SMARCC1: variants seen among roughly 807,000 people sequenced by gnomAD.
The protein encoded by SMARCC1 is SWI/SNF related BAF chromatin remodeling complex subunit C1.
In SMARCC1, 43 loss-of-function variants were observed where a neutral mutation model predicts 147.4. The observed-to-expected ratio is 0.29, with a 90% CI of 0.23 to 0.38. The LOEUF (loss-of-function observed/expected upper bound fraction) is 0.38, where lower values mean the gene tolerates loss of function less well. Ranked by LOEUF, SMARCC1 falls within the 10% of genes least tolerant of loss-of-function variation. SMARCC1 has a pLI of 1.00. For missense variants in SMARCC1, 1,119 were observed against 1,381.1 expected (o/e 0.81, Z 3.01); for synonymous variants, 495 against 484.4 (o/e 1.02, Z -0.29).
rs192959773 is a variant in SMARCC1 at position 47,587,122 on chromosome 3, G to C, written c.*1087C>G. On this transcript the variant is annotated 3_prime_UTR_variant, in exon 28 of 28. Transcript: ENST00000254480. ...GTCCCATCCTAACCTTAAAAGTACC[G>C]GTTGACGAAATTCCACTCCCTGGCT... The C allele has an allele frequency of 6.6e-6, 1 of 152,632 alleles. No homozygotes were observed. The highest frequency in any genetic ancestry group is 6.5e-5 in the Admixed American group (1 of 15,276). 9.5% of individuals were successfully genotyped at this position (152,632 alleles called of 1,614,324 possible).
intron 2 of SMARCC1, among the ~76,000 whole-genome samples, chr3:47,755,789 G>A (rs1044755368): frequency 1.3e-5 from 2 of 151,506 alleles, no homozygotes; most frequent in African/African-American, 2.4e-5. Context: ...TCAGGAGTTC[G>A]AGACCAGCCT....
At chr3:47,599,984 C>G (rs1259312669) in intron 26 of SMARCC1, among the ~76,000 whole-genome samples, 2 of 152,154 alleles carry the variant, frequency 1.3e-5, no homozygotes, top group African/African-American at 4.8e-5. Flanking sequence ...GGCCCATTTA[C>G]CTATTACCCT....
intron 26 of SMARCC1, among the ~76,000 whole-genome samples, chr3:47,605,143 G>A (rs143395706): frequency 7.9e-5 from 12 of 152,290 alleles, no homozygotes; most frequent in East Asian, 1.9e-4. Flanking sequence ...AGTGTAAACA[G>A]GCACCACCAC....
At chr3:47,713,645 A>T (rs1048884589) in intron 8 of SMARCC1, among the ~76,000 whole-genome samples, 3 of 151,940 alleles carry the variant, frequency 2.0e-5, no homozygotes, top group Non-Finnish European at 4.4e-5. Flanking sequence ...CTCCTGCCTT[A>T]GCCTCCCAAA....
chr3:47,701,527 A>C, intron 10 of SMARCC1, 125 bp from the exon 11 acceptor site: 1 of 934,168 alleles, frequency 1.1e-6, no homozygotes, highest in East Asian at 2.6e-5. Flanking sequence ...TAAAAGACAA[A>C]CAGTAGGTCG....
In SMARCC1 at chr3:47,686,032, G is replaced by A; in HGVS notation, c.1385+17C>T. 1 of 1,611,336 alleles carries A rather than the reference G, an allele frequency of 6.2e-7. No individual in the cohort carries two copies. Among genetic ancestry groups the A allele is most frequent in the East Asian group, 2.2e-5 (1 of 44,818 alleles). ...ACTGCTCAGTACCATGCTCACAGATGGAAGTGGTCCACTCACCAGTTATAA... is the reference window on the plus strand; with the variant it reads ...ACTGCTCAGTACCATGCTCACAGATAGAAGTGGTCCACTCACCAGTTATAA... On this transcript the variant is annotated intron_variant, in intron 14 of 27. Transcript: ENST00000254480.
intron 18 of SMARCC1, among the ~76,000 whole-genome samples, chr3:47,673,399 TGG>T (rs71070208): frequency 8.5e-5 from 4 of 47,000 alleles, no homozygotes; most frequent in African/African-American, 2.7e-4. Context: ...AAAAAAAGGG[TGG>T]GGGGGGGGCA....
intron 5 of SMARCC1, among the ~76,000 whole-genome samples, chr3:47,735,526 T>C (rs1470661240): frequency 6.6e-6 from 1 of 151,906 alleles, no homozygotes; most frequent in Non-Finnish European, 1.5e-5. Flanking sequence ...TCCCAGCACT[T>C]TGGGAGGCTG....
intron 19 of SMARCC1, among the ~76,000 whole-genome samples, chr3:47,665,795 C>T (rs940450932): frequency 7.2e-5 from 11 of 151,794 alleles, no homozygotes; most frequent in African/African-American, 2.7e-4. Flanking sequence ...ATTCATCCTG[C>T]CATAACCCAG....
chr3:47,654,812 G>A (rs1027884463), intron 21 of SMARCC1, among the ~76,000 whole-genome samples: 1 of 152,146 alleles, frequency 6.6e-6, no homozygotes. Flanking sequence ...AGTGAGAGTG[G>A]AAACTCATTC....
chr3:47,642,355 C>G (rs970309107), intron 21 of SMARCC1, among the ~76,000 whole-genome samples: 1 of 152,084 alleles, frequency 6.6e-6, no homozygotes, highest in Non-Finnish European at 1.5e-5. Flanking sequence ...TTTGGGAGGC[C>G]AAGGCAGGTG....
chr3:47,600,081 A>T (rs2032359571), intron 26 of SMARCC1, among the ~76,000 whole-genome samples: 1 of 152,172 alleles, frequency 6.6e-6, no homozygotes, highest in South Asian at 2.1e-4. Flanking sequence ...CTTTCTTTTC[A>T]TTTATTATAA....
At chr3:47,733,803 G>T (rs1207160138) in intron 5 of SMARCC1, among the ~76,000 whole-genome samples, 3 of 147,924 alleles carry the variant, frequency 2.0e-5, no homozygotes, top group Non-Finnish European at 4.4e-5. Flanking sequence ...GGCAGAGCTT[G>T]CAGTGAGCCA....
At chr3:47,705,974 C>A (rs991456553) in intron 10 of SMARCC1, among the ~76,000 whole-genome samples, 3 of 152,132 alleles carry the variant, frequency 2.0e-5, no homozygotes, top group Non-Finnish European at 4.4e-5. Flanking sequence ...AGCCCTGAAC[C>A]AGGCGTTGTA....
At chr3:47,600,862 C>T (rs1243694347) in intron 26 of SMARCC1, among the ~76,000 whole-genome samples, 1 of 151,732 alleles carries the variant, frequency 6.6e-6, no homozygotes, top group Non-Finnish European at 1.5e-5. Context: ...TTCTTACTAA[C>T]ATTAAGAGAT....
intron 13 of SMARCC1, among the ~76,000 whole-genome samples, chr3:47,688,111 T>C (rs1235796127): frequency 6.6e-6 from 1 of 151,868 alleles, no homozygotes; most frequent in East Asian, 1.9e-4. Context: ...AATACAAAAA[T>C]TAGCTGGGCG....
At position 47,609,496 on chromosome 3, in the gene SMARCC1, C is replaced by CA. The variant is rs905858877; in HGVS notation, c.3043+569dup. The stretch of plus-strand genomic sequence containing the variant: ...TGGGCGACAGAGCGAGACTCCGTCT[C>CA]AAAAAAAAAAAAAAGACTCCCACTG... On this transcript the variant is annotated intron_variant, in intron 26 of 27. Coordinates refer to ENST00000254480, the MANE Select transcript of SMARCC1 (RefSeq NM_003074.4). 2.1e-3 allele frequency among the ~76,000 whole-genome samples: 219 copies of CA among 106,574 alleles called. 1 individual carries two copies. The highest frequency in any genetic ancestry group is 5.0e-3 in the African/African-American group (135 of 27,122). The allele number at this position is 106,574 out of a possible 152,430, so 69.9% of individuals were successfully genotyped here.
intron 26 of SMARCC1, among the ~76,000 whole-genome samples, chr3:47,607,181 C>T (rs2032489551): frequency 2.0e-5 from 3 of 152,078 alleles, no homozygotes; most frequent in Admixed American, 2.0e-4. Context: ...AAAGAATGCA[C>T]CTTGTTGTGA....
intron 14 of SMARCC1, among the ~76,000 whole-genome samples, chr3:47,681,438 GA>G (rs2033642744): frequency 6.6e-6 from 1 of 152,146 alleles, no homozygotes; most frequent in African/African-American, 2.4e-5. Context: ...ATAATTTTAT[GA>G]CATGTTACAG....
Sources: gnomAD v4.1 joint callset for allele counts (sites outside exome capture counted in the v4.1 genomes callset) on GRCh38, gnomAD v4.1.1 for gene constraint, MANE v1.5 for transcripts, NCBI Gene and HGNC (gene_info 2026-07-23, HGNC 2026-07-21) for gene names.